The following EFCAB8 variants were observed in gnomAD, a reference collection of about 807,000 sequenced individuals.
The protein encoded by EFCAB8 is EF-hand calcium binding domain 8.
Under a neutral mutation model 116.3 loss-of-function variants are expected in EFCAB8, and 100 were observed. That is an observed-to-expected ratio of 0.86 (90% CI 0.73 to 1.02). EFCAB8 has a LOEUF of 1.02. EFCAB8 is among the 50% of genes least tolerant of loss of function. EFCAB8 has a pLI of 0.00. For missense variants in EFCAB8, 1,320 were observed against 1,416.9 expected, an observed-to-expected ratio of 0.93 and a Z score of 1.10; for synonymous variants, 558 against 567.9, an observed-to-expected ratio of 0.98 and a Z score of 0.25.
chr20:32,931,448 G>A, intron 22 of EFCAB8, 112 bp downstream of exon 22: 1 of 1,320,688 alleles, frequency 7.6e-7, no homozygotes, highest in Non-Finnish European at 1.0e-6. Context: ...AAAGATAAGA[G>A]CAAAAATATT....
intron 17 of EFCAB8, among the ~76,000 whole-genome samples, chr20:32,913,889 G>T (rs1987058769): frequency 6.6e-6 from 1 of 152,232 alleles, no homozygotes; most frequent in Admixed American, 6.5e-5. Context: ...TGCCCTTCAG[G>T]CCTGCTGGGG....
intron 11 of EFCAB8, among the ~76,000 whole-genome samples, chr20:32,899,482 CATT>C (rs1986328627): frequency 6.6e-6 from 1 of 150,992 alleles, no homozygotes; most frequent in Non-Finnish European, 1.5e-5. Context: ...AAAATGAAAA[CATT>C]ATAAAGAAGG....
At chr20:32,955,950 G>GGTATTTA (rs1466258376) in intron 23 of EFCAB8, among the ~76,000 whole-genome samples, 1 of 151,714 alleles carries the variant, frequency 6.6e-6, no homozygotes, top group Non-Finnish European at 1.5e-5. Flanking sequence ...CTTTTAATTG[G>GGTATTTA]GTATTTAGTC....
chr20:32,918,602 T>C, intron 19 of EFCAB8, 28 bp downstream of exon 19: 1 of 1,546,974 alleles, frequency 6.5e-7, no homozygotes, highest in Non-Finnish European at 8.7e-7. Flanking sequence ...ACCAGAAGGC[T>C]ACCCTCACTC....
At chr20:32,934,656 G>A (rs188750763) in intron 22 of EFCAB8, among the ~76,000 whole-genome samples, 2 of 152,156 alleles carry the variant, frequency 1.3e-5, no homozygotes, top group Non-Finnish European at 2.9e-5. Context: ...TAATTGAATC[G>A]TGGGGGTGGG....
intron 24 of EFCAB8, among the ~76,000 whole-genome samples, chr20:32,959,307 G>T (rs971692463): frequency 6.6e-6 from 1 of 152,214 alleles, no homozygotes; most frequent in South Asian, 2.1e-4. Flanking sequence ...AGTAAGGAAG[G>T]CTTCGTAGGA....
intron 11 of EFCAB8, among the ~76,000 whole-genome samples, chr20:32,902,050 A>G (rs2146228101): frequency 6.6e-6 from 1 of 152,338 alleles, no homozygotes; most frequent in African/African-American, 2.4e-5. Flanking sequence ...AACACACACA[A>G]AAATAGATAA....
chr20:32,903,266 G>A (rs919717394), intron 11 of EFCAB8, among the ~76,000 whole-genome samples: 1 of 152,178 alleles, frequency 6.6e-6, no homozygotes, highest in South Asian at 2.1e-4. Flanking sequence ...GCTCCCCGGG[G>A]CTGACTCCTT....
At chr20:32,895,154 T>C (rs1452829703) in intron 9 of EFCAB8, among the ~76,000 whole-genome samples, 1 of 152,224 alleles carries the variant, frequency 6.6e-6, no homozygotes, top group African/African-American at 2.4e-5. Flanking sequence ...CTGACGGTGC[T>C]GGCTCTACTC....
intron 17 of EFCAB8, 23 bp from the exon 18 acceptor site, chr20:32,917,278 C>T (rs2146256241): frequency 1.3e-6 from 2 of 1,532,790 alleles, no homozygotes; most frequent in Middle Eastern, 3.5e-4. Context: ...TCTCAGCCCT[C>T]CTGCCTCTGG....
At chr20:32,939,191 CTTTCTTTCTTTCCT>C (rs1335463193) in intron 22 of EFCAB8, among the ~76,000 whole-genome samples, 12 of 57,964 alleles carry the variant, frequency 2.1e-4, no homozygotes, top group Admixed American at 5.5e-4. Flanking sequence ...TTCTTTCTTT[CTTTCTTTCTTTCCT>C]CTCTCTCTCT....
intron 3 of EFCAB8, among the ~76,000 whole-genome samples, chr20:32,869,239 A>G (rs906489258): frequency 6.9e-6 from 1 of 144,422 alleles, no homozygotes; most frequent in Non-Finnish European, 1.5e-5. Context: ...GGGTGTTGCA[A>G]TTTTTTTTTT....
chr20:32,909,746 T>A (rs1986832316), intron 14 of EFCAB8, 75 bp from the exon 15 acceptor site: 2 of 738,562 alleles, frequency 2.7e-6, no homozygotes, highest in Middle Eastern at 2.6e-4. Context: ...TTATTGGAAG[T>A]TTTTCCCGGC....
intron 20 of EFCAB8, among the ~76,000 whole-genome samples, chr20:32,925,598 C>T (rs772685449): frequency 5.3e-5 from 8 of 152,232 alleles, no homozygotes; most frequent in Non-Finnish European, 1.0e-4. Flanking sequence ...AGTGATCCTC[C>T]TGCCTCAGCC....
chr20:32,942,585 A>C (rs2146290640), intron 22 of EFCAB8, among the ~76,000 whole-genome samples: 2 of 152,200 alleles, frequency 1.3e-5, no homozygotes, highest in Non-Finnish European at 2.9e-5. Context: ...TGGATTACAA[A>C]TATCCCCCCC....
At chr20:32,908,500 C>A in intron 14 of EFCAB8, 88 bp downstream of exon 14, 1 of 1,222,004 alleles carries the variant, frequency 8.2e-7, no homozygotes, top group Non-Finnish European at 1.0e-6. Flanking sequence ...GGGGTGGCCA[C>A]GTCCTGTCCC....
At chr20:32,938,449 A>G (rs995434813) in intron 22 of EFCAB8, among the ~76,000 whole-genome samples, 1 of 149,920 alleles carries the variant, frequency 6.7e-6, no homozygotes, top group South Asian at 2.1e-4. Flanking sequence ...TTGGGAGGTC[A>G]GTTAGGCAAG....
chr20:32,859,872 C>G (rs999446710), intron 1 of EFCAB8, among the ~76,000 whole-genome samples: 1 of 152,218 alleles, frequency 6.6e-6, no homozygotes, highest in African/African-American at 2.4e-5. Context: ...TACATAATTT[C>G]ACCAAATAAC....
intron 20 of EFCAB8, among the ~76,000 whole-genome samples, chr20:32,928,540 G>T (rs574000392): frequency 1.1e-4 from 17 of 152,218 alleles, no homozygotes; most frequent in Admixed American, 2.0e-4. Context: ...CAGCCAATGC[G>T]ACTGATTTTT....
Sources: allele counts gnomAD v4.1 joint callset (sites outside exome capture counted in the v4.1 genomes callset), GRCh38; gene constraint gnomAD v4.1.1; transcripts MANE v1.5; gene names NCBI Gene and HGNC (gene_info 2026-07-23, HGNC 2026-07-21).